TYR: variants seen among roughly 807,000 people sequenced by gnomAD.
TYR encodes LB24-AB.
A neutral mutation model predicts 51.5 loss-of-function variants in TYR; 58 were observed. That is an observed-to-expected ratio of 1.13 (90% CI 0.91 to 1.40). The LOEUF is 1.40. Among genes scored for constraint, TYR ranks in the 40% most tolerant of loss-of-function variants. TYR has a pLI of 0.00. For missense variants in TYR, 732 were observed against 647.4 expected (o/e 1.13, Z -1.42); for synonymous variants, 263 against 235.2 (o/e 1.12, Z -1.08).
chr11:89,193,457 T>C (rs1343950724), intron 2 of TYR, among the ~76,000 whole-genome samples: 1 of 152,140 alleles, frequency 6.6e-6, no homozygotes, highest in African/African-American at 2.4e-5. Context: ...TAATTTATGT[T>C]TGTAAATTAT....
At chr11:89,259,267 C>G (rs1944430184) in intron 3 of TYR, among the ~76,000 whole-genome samples, 1 of 152,124 alleles carries the variant, frequency 6.6e-6, no homozygotes, top group Non-Finnish European at 1.5e-5. Context: ...TCCTTGCAAG[C>G]TTAGCACTTT....
chr11:89,243,155 TAC>T (rs1944221868), intron 3 of TYR, among the ~76,000 whole-genome samples: 1 of 152,222 alleles, frequency 6.6e-6, no homozygotes. Flanking sequence ...GGCAAAGGAA[TAC>T]AGTGCTTTAT....
In TYR at chr11:89,191,364, G is replaced by C. The variant is rs61754380; in HGVS notation, c.982G>C (p.Glu328Gln). 1 of 1,613,738 alleles carries C rather than the reference G, an allele frequency of 6.2e-7. No homozygotes were observed. Among genetic ancestry groups the C allele is most frequent in the South Asian group, 1.1e-5 (1 of 91,086 alleles). Residue 328 changes from glutamate (E) to glutamine (Q), a missense_variant, in exon 2 of 5, where the codon GAA becomes CAA. By Grantham distance (29) the Glu-to-Gln change is conservative (BLOSUM62 2). Coordinates refer to ENST00000263321, the MANE Select transcript of TYR (RefSeq NM_000372.5). ...ATTTTGCCTGAGTTTGACCCAATAT[G>C]AATCTGGTTCCATGGATAAAGCTGC... is the stretch of plus-strand genomic sequence containing the variant. ...VEFCLSLTQYESGSMDKAANF... is the reference protein window; with the variant it reads ...VEFCLSLTQYQSGSMDKAANF...
intron 3 of TYR, among the ~76,000 whole-genome samples, chr11:89,277,614 T>A (rs1048548246): frequency 2.6e-5 from 4 of 151,636 alleles, no homozygotes; most frequent in African/African-American, 9.7e-5. Flanking sequence ...TTACAGCACA[T>A]CTCATCTAGA....
intron 2 of TYR, among the ~76,000 whole-genome samples, chr11:89,225,935 A>T (rs1352806377): frequency 1.3e-5 from 2 of 152,162 alleles, no homozygotes; most frequent in East Asian, 3.9e-4. Flanking sequence ...CACCTTGTAC[A>T]TTATAGGCAT....
chr11:89,219,687 T>C (rs1034008425), intron 2 of TYR, among the ~76,000 whole-genome samples: 2 of 152,128 alleles, frequency 1.3e-5, no homozygotes, highest in African/African-American at 4.8e-5. Flanking sequence ...AGAACAAAAA[T>C]TGGCCATAAG....
Position 89,217,291 on chromosome 11 carries a change from C to T in TYR, c.1037-10532C>T, listed in dbSNP as rs1191575725. Among the ~76,000 whole-genome samples, 8 of 152,184 alleles carry T rather than the reference C, an allele frequency of 5.3e-5. No individual in the cohort carries two copies. In the East Asian group the frequency reaches 1.5e-3, roughly 29 times the overall value. ...ACTATGCAGTGTTAACAAACGTATG[C>T]CAAAATCTTAGTGATGTAATCCAAT... On this transcript the variant is annotated intron_variant, in intron 2 of 4. Transcript: ENST00000263321.
intron 2 of TYR, 103 bp downstream of exon 2, chr11:89,191,521 TGACCAA>T: frequency 8.9e-7 from 1 of 1,120,294 alleles, no homozygotes; most frequent in Non-Finnish European, 1.3e-6. Context: ...TTTTCTGAGT[TGACCAA>T]GAATATGTGT....
chr11:89,216,699 G>T (rs1591161469), intron 2 of TYR, among the ~76,000 whole-genome samples: 1 of 122,254 alleles, frequency 8.2e-6, no homozygotes, highest in Non-Finnish European at 1.7e-5. Flanking sequence ...TGCCTTTTAA[G>T]AAAAAGAAGT....
At chr11:89,247,100 C>A (rs577435653) in intron 3 of TYR, among the ~76,000 whole-genome samples, 1 of 152,242 alleles carries the variant, frequency 6.6e-6, no homozygotes, top group Non-Finnish European at 1.5e-5. Context: ...GCGGTTATAC[C>A]ATTATAGTCA....
chr11:89,182,522 G>A (rs1236103376), intron 1 of TYR, among the ~76,000 whole-genome samples: 1 of 152,124 alleles, frequency 6.6e-6, no homozygotes, highest in Non-Finnish European at 1.5e-5. Flanking sequence ...ATGAAGCAAG[G>A]TGCAACATAG....
chr11:89,217,398 A>T (rs2135273979), intron 2 of TYR, among the ~76,000 whole-genome samples: 1 of 152,264 alleles, frequency 6.6e-6, no homozygotes, highest in African/African-American at 2.4e-5. Context: ...TATGTTAGTG[A>T]GTCTACTGTC....
chr11:89,187,035 C>A (rs1379618668), intron 1 of TYR, among the ~76,000 whole-genome samples: 1 of 152,124 alleles, frequency 6.6e-6, no homozygotes, highest in Non-Finnish European at 1.5e-5. Context: ...GTTTAAGCCA[C>A]CCAGTCTGTA....
chr11:89,294,905 G>T (rs1590909136), intron 4 of TYR, among the ~76,000 whole-genome samples: 1 of 152,124 alleles, frequency 6.6e-6, no homozygotes, highest in East Asian at 1.9e-4. Flanking sequence ...ACTTACGGAT[G>T]TTATCTATAA....
intron 2 of TYR, among the ~76,000 whole-genome samples, chr11:89,227,340 G>A (rs1367094788): frequency 6.6e-6 from 1 of 152,102 alleles, no homozygotes; most frequent in Non-Finnish European, 1.5e-5. Context: ...CTGTGAAAGA[G>A]GAATTGAAAT....
chr11:89,192,306 CA>C (rs1943456888), intron 2 of TYR, among the ~76,000 whole-genome samples: 1 of 151,432 alleles, frequency 6.6e-6, no homozygotes, highest in Admixed American at 6.6e-5. Context: ...CACAACAAAA[CA>C]AAAACAAACA....
At chr11:89,270,470 A>G (rs1944575495) in intron 3 of TYR, among the ~76,000 whole-genome samples, 2 of 151,848 alleles carry the variant, frequency 1.3e-5, no homozygotes, top group Admixed American at 1.3e-4. Context: ...TCTTTGTAAG[A>G]CAAGCACCTT....
At chr11:89,230,069 AC>A (rs1394565379) in intron 3 of TYR, among the ~76,000 whole-genome samples, 1 of 152,102 alleles carries the variant, frequency 6.6e-6, no homozygotes, top group Non-Finnish European at 1.5e-5. Context: ...CTACAAAAGA[AC>A]CTGAATAGCC....
intron 4 of TYR, among the ~76,000 whole-genome samples, chr11:89,288,043 AAGAAAGACATGG>A (rs1432911103): frequency 6.6e-6 from 1 of 151,974 alleles, no homozygotes; most frequent in Non-Finnish European, 1.5e-5. Context: ...AAGAGGAGCA[AAGAAAGACATGG>A]AGGAAAGCTT....
Sources: gnomAD v4.1 joint callset for allele counts (sites outside exome capture counted in the v4.1 genomes callset) on GRCh38, gnomAD v4.1.1 for gene constraint, MANE v1.5 for transcripts, NCBI Gene and HGNC (gene_info 2026-07-23, HGNC 2026-07-21) for gene names.